Variants in KIF26B observed in about 807,000 individuals in gnomAD.
KIF26B encodes kinesin-like protein KIF26B.
KIF26B carries 63 observed loss-of-function variants against 151.2 expected under a neutral mutation model. That is an observed-to-expected ratio of 0.42 (90% CI 0.34 to 0.51). The LOEUF is 0.51. KIF26B is among the 20% of genes least tolerant of loss of function. KIF26B has a pLI of 0.07. For missense variants in KIF26B, 2,813 were observed against 2,913.6 expected, an observed-to-expected ratio of 0.97 and a Z score of 0.79; for synonymous variants, 1,357 against 1,262.1, an observed-to-expected ratio of 1.08 and a Z score of -1.59.
At chr1:245,676,581 C>T (rs1275732310) in intron 10 of KIF26B, 1 of 152,218 alleles carries the variant, frequency 6.6e-6, no homozygotes, top group Non-Finnish European at 1.5e-5. Context: ...GTTGAATTGC[C>T]ATGAATTTTA....
At chr1:245,692,302 C>T (rs530177713) in intron 12 of KIF26B, among the ~76,000 whole-genome samples, 7 of 152,154 alleles carry the variant, frequency 4.6e-5, no homozygotes, top group Admixed American at 2.6e-4. Context: ...GGGTGAAAAG[C>T]GTGGAATAGA....
At chr1:245,444,069 A>T (rs1659188503) in intron 4 of KIF26B, among the ~76,000 whole-genome samples, 1 of 127,824 alleles carries the variant, frequency 7.8e-6, no homozygotes, top group Non-Finnish European at 1.6e-5. Context: ...CCCTGCGGTC[A>T]TCTCCCTCAC....
At chr1:245,491,309 T>TTA (rs966643093) in intron 4 of KIF26B, among the ~76,000 whole-genome samples, 4 of 152,176 alleles carry the variant, frequency 2.6e-5, no homozygotes, top group African/African-American at 9.7e-5. Context: ...GAAGATAACT[T>TTA]TATATCAATA....
At chr1:245,558,120 T>C (rs1558213986) in intron 5 of KIF26B, among the ~76,000 whole-genome samples, 1 of 152,134 alleles carries the variant, frequency 6.6e-6, no homozygotes, top group African/African-American at 2.4e-5. Flanking sequence ...CCAGGCTCAG[T>C]AGGGGACTCT....
In KIF26B at chr1:245,338,221, G is replaced by C. The variant is rs560593810; in HGVS notation, c.466-28613G>C. On this transcript the variant is annotated intron_variant, in intron 2 of 14. Coordinates refer to ENST00000407071, the MANE Select transcript of KIF26B (RefSeq NM_018012.4). ...AAGATTCCTTCAAAATGGTTTACTT[G>C]TTTCTTAAAGAGTACAGGCTTCCAT... Among the ~76,000 whole-genome samples the C allele has an allele frequency of 9.3e-4, 141 of 152,318 alleles. 2 individuals are homozygous for C. The highest frequency in any genetic ancestry group is 3.3e-3 in the African/African-American group (138 of 41,570).
In KIF26B at chr1:245,684,382, AAAAG is replaced by A. The variant is rs772526898; in HGVS notation, c.2411_2414del (p.Lys804ArgfsTer26). 1 of 1,610,788 alleles carries A rather than the reference AAAAG, an allele frequency of 6.2e-7. No individual in the cohort carries two copies. The highest frequency in any genetic ancestry group is 1.7e-5 in the Admixed American group (1 of 59,712). ...GCATCGAGAGTCTTGAGGATGAAGA[AAAAG>A]AAGACGAAGGTAAGGAGCTCGCGGG... On this transcript the variant is annotated frameshift_variant, in exon 11 of 15. Coordinates refer to ENST00000407071, the MANE Select transcript of KIF26B (RefSeq NM_018012.4). LOFTEE classifies it high-confidence loss of function.
At position 245,227,657 on chromosome 1, in the gene KIF26B, A is replaced by G. The variant is rs574237957; in HGVS notation, c.465+70974A>G. Among the ~76,000 whole-genome samples the G allele has an allele frequency of 5.9e-5, 9 of 152,350 alleles. No individual in the cohort carries two copies. Among genetic ancestry groups the G allele is most frequent in the Admixed American group, 5.9e-4 (9 of 15,302 alleles). ...TGTTTCCTGAGCCACTAAATGTATC[A>G]GACTGTTATATTTGGGTTATTTTCC... is the stretch of plus-strand genomic sequence containing the variant. On this transcript the variant is annotated intron_variant, in intron 2 of 14. Coordinates refer to ENST00000407071, the MANE Select transcript of KIF26B (RefSeq NM_018012.4). The surrounding 1 kb of genome is among the most constrained non-coding windows in gnomAD (Gnocchi z 4.1).
chr1:245,417,417 T>G (rs1674447579), intron 3 of KIF26B, among the ~76,000 whole-genome samples: 1 of 152,184 alleles, frequency 6.6e-6, no homozygotes, highest in Non-Finnish European at 1.5e-5. Flanking sequence ...AAATTGCTTC[T>G]CTGGTCTTCA....
intron 2 of KIF26B, among the ~76,000 whole-genome samples, chr1:245,164,047 T>C (rs1668574923): frequency 6.6e-6 from 1 of 152,236 alleles, no homozygotes; most frequent in South Asian, 2.1e-4. Context: ...ATAGTGGGCA[T>C]GTGTATATAT....
Position 245,680,835 on chromosome 1 carries a change from G to A in KIF26B, c.2259-3398G>A, listed in dbSNP as rs117851672. 2.9e-4 allele frequency among the ~76,000 whole-genome samples: 44 copies of A among 152,352 alleles called. 1 individual carries two copies. In the East Asian group the frequency reaches 6.9e-3, roughly 24 times the overall value. On this transcript the variant is annotated intron_variant, in intron 10 of 14. Transcript: ENST00000407071. ...TCGCCAGATGCACGCGTTCCCCGCC[G>A]AGGTGGAGCGTGCAAAGCTCTGCCT...
intron 9 of KIF26B, among the ~76,000 whole-genome samples, chr1:245,633,854 C>T (rs2043806915): frequency 1.3e-5 from 2 of 151,822 alleles, no homozygotes; most frequent in Non-Finnish European, 2.9e-5. Context: ...AGAGTGACAC[C>T]CAGGCTGGAT....
At chr1:245,161,213 T>A (rs1356732779) in intron 2 of KIF26B, among the ~76,000 whole-genome samples, 1 of 152,272 alleles carries the variant, frequency 6.6e-6, no homozygotes, top group Non-Finnish European at 1.5e-5. Context: ...ATTTTGGGAG[T>A]TTATAAAAAC....
intron 2 of KIF26B, among the ~76,000 whole-genome samples, chr1:245,215,141 G>C (rs1052891539): frequency 6.6e-6 from 1 of 152,082 alleles, no homozygotes; most frequent in East Asian, 1.9e-4. Flanking sequence ...TTTCCCTGCT[G>C]TTTGTCCTCT....
intron 10 of KIF26B, among the ~76,000 whole-genome samples, chr1:245,658,458 A>T (rs1037052964): frequency 1.3e-5 from 2 of 152,178 alleles, no homozygotes; most frequent in Non-Finnish European, 2.9e-5. Flanking sequence ...GAACGCAGTG[A>T]CACCAACAAG....
intron 4 of KIF26B, among the ~76,000 whole-genome samples, chr1:245,456,153 CTAACCT>C (rs945645406): frequency 1.3e-5 from 2 of 152,084 alleles, no homozygotes; most frequent in African/African-American, 4.8e-5. Context: ...ATTTTCTTCA[CTAACCT>C]TATCTCTTGA....
chr1:245,433,736 T>A (rs1326459741), intron 4 of KIF26B, among the ~76,000 whole-genome samples: 1 of 152,216 alleles, frequency 6.6e-6, no homozygotes. Context: ...GATGCTTTTT[T>A]TTCTGGCACC....
At chr1:245,503,676 A>T (rs1455349269) in intron 4 of KIF26B, among the ~76,000 whole-genome samples, 1 of 152,220 alleles carries the variant, frequency 6.6e-6, no homozygotes, top group Non-Finnish European at 1.5e-5. Context: ...GACTGTCCGT[A>T]TCGGAGAGCT....
At chr1:245,165,670 C>A (rs11576530) in intron 2 of KIF26B, among the ~76,000 whole-genome samples, 3,948 of 152,174 alleles carry the variant, frequency 0.026, 86 homozygotes, top group Non-Finnish European at 0.042. Flanking sequence ...GCTAAGAAGA[C>A]AGACCAAGAA....
At chr1:245,553,213 G>A (rs1303072244) in intron 5 of KIF26B, among the ~76,000 whole-genome samples, 2 of 152,148 alleles carry the variant, frequency 1.3e-5, no homozygotes, top group East Asian at 1.9e-4. Flanking sequence ...AAGCTGGACC[G>A]GATCTAAGGA....
Sources: allele counts gnomAD v4.1 joint callset (sites outside exome capture counted in the v4.1 genomes callset), GRCh38; gene constraint gnomAD v4.1.1; non-coding constraint Gnocchi (gnomAD v3.1); transcripts MANE v1.5; gene names NCBI Gene and HGNC (gene_info 2026-07-23, HGNC 2026-07-21).